The following SLIT1 variants were observed in gnomAD, a reference collection of about 807,000 sequenced individuals.
SLIT1 encodes slit guidance ligand 1.
In SLIT1, 66 loss-of-function variants were observed where a neutral mutation model predicts 186.1. That is an observed-to-expected ratio of 0.35 (90% CI 0.29 to 0.44). The LOEUF (loss-of-function observed/expected upper bound fraction) is 0.44, where lower values mean the gene tolerates loss of function less well. Among genes scored for constraint, SLIT1 ranks in the 20% least tolerant of loss-of-function variants. The probability of loss-of-function intolerance (pLI) is 1.00; values close to 1 mark genes in which losing one functional copy is unlikely to be tolerated. For synonymous variants in SLIT1, 761 were observed against 833.8 expected (o/e 0.91, Z 1.50); for missense variants, 1,638 against 2,037.4 (o/e 0.80, Z 3.77).
In SLIT1 at chr10:97,031,686, G is replaced by A. The variant is rs1306460609; in HGVS notation, c.2439-9C>T. On this transcript the variant is annotated splice_polypyrimidine_tract_variant and intron_variant, in intron 23 of 36. Transcript: ENST00000266058. ...CATTGTAGCTGAGGATCCTGCGGAG[G>A]AAGGAGATGGAGGAAGGGCACTGTG... The A allele has an allele frequency of 6.5e-7, 1 of 1,549,750 alleles. No homozygotes were observed. Among genetic ancestry groups the A allele is most frequent in the South Asian group, 1.2e-5 (1 of 83,944 alleles).
At chr10:97,113,846 C>T (rs750014062) in intron 4 of SLIT1, among the ~76,000 whole-genome samples, 3 of 152,144 alleles carry the variant, frequency 2.0e-5, no homozygotes, top group Admixed American at 6.5e-5. Flanking sequence ...GTGAGCCCGG[C>T]CTCTTTTAAG....
intron 28 of SLIT1, among the ~76,000 whole-genome samples, chr10:97,015,919 G>A (rs1848451109): frequency 6.6e-6 from 1 of 152,050 alleles, no homozygotes; most frequent in South Asian, 2.1e-4. Context: ...AAGACAGGAG[G>A]GTAAGGAGTA....
At chr10:97,084,914 C>G (rs1488204293) in intron 4 of SLIT1, among the ~76,000 whole-genome samples, 1 of 135,068 alleles carries the variant, frequency 7.4e-6, no homozygotes, top group Non-Finnish European at 1.6e-5. Context: ...GCCACTGTTA[C>G]TTTTCTTTCC....
chr10:97,135,758 C>T (rs1034065083), intron 4 of SLIT1, among the ~76,000 whole-genome samples: 6 of 152,202 alleles, frequency 3.9e-5, no homozygotes, highest in Non-Finnish European at 7.3e-5. Flanking sequence ...TAAACAGCCA[C>T]GGATGGTCCC....
chr10:97,122,643 G>A (rs532126637), intron 4 of SLIT1, among the ~76,000 whole-genome samples: 1 of 152,276 alleles, frequency 6.6e-6, no homozygotes, highest in African/African-American at 2.4e-5. Flanking sequence ...ATGTGTACAA[G>A]CCCAGAGTGG....
At chr10:97,133,830 G>T (rs543097799) in intron 4 of SLIT1, among the ~76,000 whole-genome samples, 1 of 152,236 alleles carries the variant, frequency 6.6e-6, no homozygotes, top group South Asian at 2.1e-4. Context: ...ATGTTTCATA[G>T]GCCTGCTAAA....
At chr10:97,036,488 T>C (rs1265962426) in intron 22 of SLIT1, among the ~76,000 whole-genome samples, 1 of 152,226 alleles carries the variant, frequency 6.6e-6, no homozygotes, top group Non-Finnish European at 1.5e-5. Flanking sequence ...GAACTAAATT[T>C]CACCAACCCA....
intron 4 of SLIT1, among the ~76,000 whole-genome samples, chr10:97,076,979 G>A (rs1037080663): frequency 3.8e-4 from 58 of 152,098 alleles, no homozygotes; most frequent in African/African-American, 1.4e-3. Flanking sequence ...GAAAATACAG[G>A]ACGGAACCGG....
intron 11 of SLIT1, chr10:97,057,899 A>AG (rs1040235394): frequency 2.0e-5 from 14 of 690,992 alleles, no homozygotes; most frequent in Non-Finnish European, 3.5e-5. Flanking sequence ...AGGTTTGGGG[A>AG]GGGGGGTTGT....
intron 4 of SLIT1, among the ~76,000 whole-genome samples, chr10:97,071,882 G>C (rs1849004207): frequency 6.6e-6 from 1 of 152,208 alleles, no homozygotes; most frequent in Non-Finnish European, 1.5e-5. Context: ...AATGGGGTTT[G>C]AGTGTCTGTT....
At chr10:97,033,603 G>T (rs893334303) in intron 23 of SLIT1, among the ~76,000 whole-genome samples, 1 of 152,140 alleles carries the variant, frequency 6.6e-6, no homozygotes, top group African/African-American at 2.4e-5. Flanking sequence ...CAGCTGCCAC[G>T]GTGGCATGAA....
Position 97,006,459 on chromosome 10 carries a change from G to A in SLIT1, c.3579+24C>T. 6.3e-7 allele frequency: 1 copy of A among 1,576,842 alleles called. No individual in the cohort carries two copies. Among genetic ancestry groups the A allele is most frequent in the Non-Finnish European group, 8.7e-7 (1 of 1,146,816 alleles). On this transcript the variant is annotated intron_variant, in intron 32 of 36. Transcript: ENST00000266058. The surrounding 1 kb of genome is among the most constrained non-coding windows in gnomAD (Gnocchi z 4.0). ...GTCGCCTGCTCCCTGACTCCCCTCT[G>A]TGACCAAGCCCCCTGGCACGCACCT...
intron 30 of SLIT1, among the ~76,000 whole-genome samples, chr10:97,011,517 G>A (rs1848410515): frequency 6.6e-6 from 1 of 152,012 alleles, no homozygotes. Context: ...TGTTCTCCCA[G>A]GACCCACTAC....
intron 4 of SLIT1, among the ~76,000 whole-genome samples, chr10:97,150,996 G>GC (rs1244827289): frequency 5.9e-5 from 9 of 151,462 alleles, no homozygotes; most frequent in African/African-American, 1.5e-4. Context: ...GGGTATACCT[G>GC]CCCCCCCGCC....
At chr10:97,171,082 C>T (rs752302849) in intron 1 of SLIT1, among the ~76,000 whole-genome samples, 2 of 152,178 alleles carry the variant, frequency 1.3e-5, no homozygotes, top group African/African-American at 2.4e-5. Flanking sequence ...AAAGAAACCA[C>T]GCATGCTGTC....
At chr10:97,029,079 C>T (rs1156254349) in intron 25 of SLIT1, among the ~76,000 whole-genome samples, 1 of 152,140 alleles carries the variant, frequency 6.6e-6, no homozygotes, top group Admixed American at 6.5e-5. Flanking sequence ...AACGCACTTC[C>T]CGGTTCAATC....
intron 13 of SLIT1, among the ~76,000 whole-genome samples, chr10:97,055,739 G>A (rs1353257055): frequency 1.3e-5 from 2 of 152,074 alleles, no homozygotes; most frequent in African/African-American, 2.4e-5. Flanking sequence ...CAGATTTATT[G>A]CTCTCTAATT....
At chr10:97,146,552 T>C (rs1849819606) in intron 4 of SLIT1, among the ~76,000 whole-genome samples, 1 of 147,426 alleles carries the variant, frequency 6.8e-6, no homozygotes, top group Non-Finnish European at 1.5e-5. Context: ...CACAGAGAGG[T>C]ACCCCAGCCC....
chr10:97,163,048 C>T (rs1393489794), intron 3 of SLIT1, among the ~76,000 whole-genome samples: 1 of 152,202 alleles, frequency 6.6e-6, no homozygotes, highest in African/African-American at 2.4e-5. Context: ...AATCAATGGA[C>T]AGCGGTTATG....
Sources: allele counts gnomAD v4.1 joint callset (sites outside exome capture counted in the v4.1 genomes callset), GRCh38; gene constraint gnomAD v4.1.1; non-coding constraint Gnocchi (gnomAD v3.1); transcripts MANE v1.5; gene names NCBI Gene and HGNC (gene_info 2026-07-23, HGNC 2026-07-21).